The following MCF2L variants were observed in gnomAD, a reference collection of about 807,000 sequenced individuals.
The protein encoded by MCF2L is MCF.2 cell line derived transforming sequence like, also known as guanine nucleotide exchange factor DBS.
A neutral mutation model predicts 153.4 loss-of-function variants in MCF2L; 97 were observed. That is an observed-to-expected ratio of 0.63 (90% CI 0.54 to 0.75). MCF2L has a LOEUF of 0.75. MCF2L is among the 30% of genes least tolerant of loss of function. The pLI is 0.00. For missense variants in MCF2L, 1,347 were observed against 1,495.2 expected, an observed-to-expected ratio of 0.90 and a Z score of 1.64; for synonymous variants, 659 against 632.2, an observed-to-expected ratio of 1.04 and a Z score of -0.64.
intron 2 of MCF2L, among the ~76,000 whole-genome samples, chr13:112,962,320 C>T (rs1333154407): frequency 1.3e-5 from 2 of 152,196 alleles, no homozygotes; most frequent in Admixed American, 6.5e-5. Context: ...CATGCACATA[C>T]ACATACACAC....
intron 1 of MCF2L, among the ~76,000 whole-genome samples, chr13:112,980,104 C>T (rs1378835972): frequency 6.6e-6 from 1 of 152,206 alleles, no homozygotes; most frequent in East Asian, 1.9e-4. Flanking sequence ...GGTCTGTGGG[C>T]AGGTGGGTGT....
chr13:112,916,209 G>A (rs983559773), intron 2 of MCF2L, among the ~76,000 whole-genome samples: 2 of 147,790 alleles, frequency 1.4e-5, no homozygotes, highest in East Asian at 3.9e-4. Context: ...ATTCCGAGGC[G>A]ACTTTTCCCC....
chr13:112,996,078 C>T (rs1249760700), intron 1 of MCF2L, among the ~76,000 whole-genome samples: 2 of 152,188 alleles, frequency 1.3e-5, no homozygotes, highest in Non-Finnish European at 2.9e-5. Context: ...CCCCTTTTCC[C>T]GAAGCCACCA....
intron 1 of MCF2L, chr13:112,979,316 C>G: frequency 8.4e-7 from 1 of 1,196,714 alleles, no homozygotes; most frequent in Non-Finnish European, 1.0e-6. Context: ...AGGCCCAGAA[C>G]TTGCACACAG....
rs566392712 is a variant in MCF2L at position 112,940,637 on chromosome 13, G to A, written c.169+38266G>A. On this transcript the variant is annotated intron_variant, in intron 2 of 29. Transcript: ENST00000375608. ...AATATGAATCTTTTCGTAAATGTAC[G>A]TGTACATTTCAATCAGTTTTTGCAG... Among the ~76,000 whole-genome samples, 6 of 152,318 alleles carry A rather than the reference G, an allele frequency of 3.9e-5. No individual in the cohort carries two copies. The East Asian group carries it at 5.8e-4, about 15-fold the overall frequency.
chr13:113,044,492 A>G, intron 3 of MCF2L: 1 of 734,890 alleles, frequency 1.4e-6, no homozygotes, highest in South Asian at 1.8e-5. Context: ...ACATGTTCAG[A>G]GACTTGGAAG....
At chr13:113,025,752 C>CCGTGACCG (rs1566757555) in intron 3 of MCF2L, among the ~76,000 whole-genome samples, 4 of 143,156 alleles carry the variant, frequency 2.8e-5, no homozygotes, top group East Asian at 2.2e-4. Context: ...GGTGGGGTCC[C>CCGTGACCG]TGCAACTATG....
intron 16 of MCF2L, among the ~76,000 whole-genome samples, chr13:113,081,654 C>G (rs145100594): frequency 1.3e-5 from 2 of 152,370 alleles, no homozygotes; most frequent in African/African-American, 4.8e-5. Flanking sequence ...TAGAGGTGAC[C>G]TTGGCAGTGG....
chr13:112,994,118 G>C (rs907669978), intron 1 of MCF2L, among the ~76,000 whole-genome samples: 12 of 152,116 alleles, frequency 7.9e-5, no homozygotes, highest in African/African-American at 2.4e-4. Context: ...TGACGTCACT[G>C]TCTGTGCCGG....
intron 2 of MCF2L, among the ~76,000 whole-genome samples, chr13:112,961,739 T>A (rs1396077991): frequency 6.6e-6 from 1 of 152,170 alleles, no homozygotes; most frequent in East Asian, 1.9e-4. Flanking sequence ...AGCCCCTCTG[T>A]CCTCCTAGTT....
At chr13:113,029,555 T>C (rs932586280) in intron 3 of MCF2L, among the ~76,000 whole-genome samples, 1 of 152,062 alleles carries the variant, frequency 6.6e-6, no homozygotes, top group Admixed American at 6.5e-5. Context: ...GCGAGCAAAA[T>C]TGCCAGGCTA....
In MCF2L at chr13:112,917,195, C is replaced by G. The variant is rs548766478; in HGVS notation, c.169+14824C>G. ...GTCCACAGCTCCAGTCCGGACCCCTCCCCCGGGCACTGCACCGCCCTGCCT... is the reference window on the plus strand; with the variant it reads ...GTCCACAGCTCCAGTCCGGACCCCTGCCCCGGGCACTGCACCGCCCTGCCT... On this transcript the variant is annotated intron_variant, in intron 2 of 29. Coordinates refer to the MCF2L transcript ENST00000375608. The G allele has an allele frequency of 1.3e-5, 6 of 470,920 alleles. No homozygotes were observed. The Admixed American group carries it at 1.4e-4, about 11-fold the overall frequency. The allele number at this position is 470,920 out of a possible 1,614,324, so 29.2% of individuals were successfully genotyped here. A position where few individuals can be genotyped will look rare whatever the true frequency, so the allele number is the denominator to read the frequency against.
At chr13:113,088,202 C>A in intron 23 of MCF2L, 125 bp from the exon 24 acceptor site, 1 of 852,500 alleles carries the variant, frequency 1.2e-6, no homozygotes, top group South Asian at 1.4e-5. Context: ...CCTCCTCTCC[C>A]CTCACACGCA....
At chr13:112,894,350 C>G (rs1464819182), upstream of MCF2L, 1 of 151,336 alleles carries the variant, frequency 6.6e-6, no homozygotes, top group African/African-American at 2.4e-5. Context: ...CGGCGCAGCC[C>G]TGGGAGGAGG....
chr13:113,090,136 T>G (rs1456425855), intron 26 of MCF2L: 2 of 1,543,880 alleles, frequency 1.3e-6, no homozygotes, highest in Admixed American at 3.9e-5. Flanking sequence ...CCTGCAGGGT[T>G]TTGCTAACCT....
chr13:113,085,047 T>C (rs779774349), intron 19 of MCF2L, 39 bp from the exon 20 acceptor site: 1 of 1,612,628 alleles, frequency 6.2e-7, no homozygotes, highest in South Asian at 1.1e-5. Flanking sequence ...TGAGGAATAA[T>C]GAAAATTGTG....
chr13:112,938,256 G>T (rs939941712), intron 2 of MCF2L, among the ~76,000 whole-genome samples: 1 of 105,010 alleles, frequency 9.5e-6, no homozygotes, highest in African/African-American at 4.0e-5. Flanking sequence ...TCAGGTGAGC[G>T]CTGATGGGTT....
intron 13 of MCF2L, 132 bp downstream of exon 13, chr13:113,077,343 G>T: frequency 9.0e-7 from 1 of 1,111,186 alleles, no homozygotes; most frequent in Non-Finnish European, 1.2e-6. Flanking sequence ...TCCACCTCCG[G>T]GCCCCAGTTC....
At position 113,052,807 on chromosome 13, in the gene MCF2L, G is replaced by A. The variant is rs9577447; in HGVS notation, c.369+7446G>A. The A allele has an allele frequency of 2.7e-5, 4 of 150,520 alleles. No homozygotes were observed. The East Asian group carries it at 6.4e-4, about 24-fold the overall frequency. 9.3% of individuals were successfully genotyped at this position (150,520 alleles called of 1,614,324 possible). ...AACACACAGACATAGACACAGACAT[G>A]TACACACATCACACAGACACATCAC... On this transcript the variant is annotated intron_variant, in intron 4 of 29. Coordinates refer to ENST00000535094, the MANE Select transcript of MCF2L (RefSeq NM_001112732.3).
Sources: allele counts gnomAD v4.1 joint callset (sites outside exome capture counted in the v4.1 genomes callset), GRCh38; gene constraint gnomAD v4.1.1; transcripts MANE v1.5; gene names NCBI Gene and HGNC (gene_info 2026-07-23, HGNC 2026-07-21).